The following SYNE2 variants were observed in gnomAD, a reference collection of about 807,000 sequenced individuals.
The protein encoded by SYNE2 is nesprin-2.
In SYNE2, 431 loss-of-function variants were observed where a neutral mutation model predicts 856.3. That is an observed-to-expected ratio of 0.50 (90% CI 0.47 to 0.55). The LOEUF (loss-of-function observed/expected upper bound fraction) is 0.55, where lower values mean the gene tolerates loss of function less well. Among genes scored for constraint, SYNE2 ranks in the 20% least tolerant of loss-of-function variants. The probability of loss-of-function intolerance (pLI) is 0.00; values close to 1 mark genes in which losing one functional copy is unlikely to be tolerated. For synonymous variants in SYNE2, 2,923 were observed against 2,872.3 expected (o/e 1.02, Z -0.56); for missense variants, 8,129 against 8,023.2 (o/e 1.01, Z -0.50).
intron 1 of SYNE2, among the ~76,000 whole-genome samples, chr14:63,873,121 A>C (rs962918558): frequency 6.6e-6 from 1 of 152,216 alleles, no homozygotes; most frequent in Non-Finnish European, 1.5e-5. Context: ...CATAAACCAC[A>C]TAATGACAGC....
At chr14:64,129,974 A>C in intron 75 of SYNE2, 73 bp downstream of exon 75, 9 of 1,613,624 alleles carry the variant, frequency 5.6e-6, no homozygotes, top group Non-Finnish European at 7.6e-6. Flanking sequence ...CCACCAGCAG[A>C]GTTTAGATTT....
At position 64,029,985 on chromosome 14, in the gene SYNE2, T is replaced by A. The variant is rs1428178412; in HGVS notation, c.6805T>A (p.Ser2269Thr). 1 of 1,614,114 alleles carries A rather than the reference T, an allele frequency of 6.2e-7. No individual in the cohort carries two copies. The highest frequency in any genetic ancestry group is 2.2e-5 in the East Asian group (1 of 44,876). Residue 2269 changes from serine to threonine, a missense_variant, in exon 44 of 116, where the codon TCC becomes ACC. Around this residue, in one of 3 missense-constraint regions of SYNE2, gnomAD observed 297 missense variants for 380.9 expected, o/e 0.78. Transcript: ENST00000555002. ...CCTGAATACTACATTGGACAATTTCTCCAAGGAATTTGTCAGTTTTTCTGA... is the reference window on the plus strand; with the variant it reads ...CCTGAATACTACATTGGACAATTTCACCAAGGAATTTGTCAGTTTTTCTGA... ...TDLNTTLDNF[S>T]KEFVSFSDKP... is the part of the protein sequence containing the mutation.
chr14:64,161,996 T>G, intron 87 of SYNE2, 76 bp from the exon 88 acceptor site: 1 of 1,518,918 alleles, frequency 6.6e-7, no homozygotes, highest in Non-Finnish European at 9.1e-7. Flanking sequence ...AACTTACCAG[T>G]AGAGTGTGTG....
intron 2 of SYNE2, among the ~76,000 whole-genome samples, chr14:63,912,837 A>C (rs537742460): frequency 6.6e-6 from 1 of 152,340 alleles, no homozygotes; most frequent in South Asian, 2.1e-4. Context: ...GCCGAAATTC[A>C]TAGAGCAGGA....
In SYNE2 at chr14:64,000,501, A is replaced by G. The variant is rs1266798907; in HGVS notation, c.3481-61A>G. ...TTGGTGAATGTCTCATGTTTTAAGA[A>G]CAGAATAATTGTGTCTATTAACCCC... is the stretch of plus-strand genomic sequence containing the variant. On this transcript the variant is annotated intron_variant, in intron 27 of 115. Transcript: ENST00000555002. 6.2e-6 allele frequency: 9 copies of G among 1,455,702 alleles called. No homozygotes were observed. The East Asian group carries it at 2.1e-4, about 33-fold the overall frequency. 90.2% of individuals were successfully genotyped at this position (1,455,702 alleles called of 1,614,324 possible).
chr14:64,116,030 G>C (rs2153660394), intron 66 of SYNE2, among the ~76,000 whole-genome samples: 1 of 152,220 alleles, frequency 6.6e-6, no homozygotes, highest in Non-Finnish European at 1.5e-5. Flanking sequence ...AACTAGCTGG[G>C]CATGGTGGTG....
chr14:64,134,152 G>T lies in SYNE2; in HGVS notation c.14598G>T (p.Leu4866Phe). 6.2e-7 allele frequency: 1 copy of T among 1,613,908 alleles called. No individual in the cohort carries two copies. Among genetic ancestry groups the T allele is most frequent in the East Asian group, 2.2e-5 (1 of 44,868 alleles). The change falls in exon 78 of 116, where the codon TTG becomes TTT. Residue 4866 changes from leucine (L) to phenylalanine (F), a missense_variant. Transcript: ENST00000555002. Reference sequence around the variant, plus strand: ...TATCTACATTGCCCTCTGTGAGTTTGGTGGAAGAAACAGAGGAAAGATTAG... The same window carrying T: ...TATCTACATTGCCCTCTGTGAGTTTTGTGGAAGAAACAGAGGAAAGATTAG... ...ILISTLPSVS[L>F]VEETEERLVE... is the part of the protein sequence containing the mutation.
At chr14:64,075,725 C>CTATGAAGAGATATCAAGTTTAAT in intron 53 of SYNE2, 1 of 515,194 alleles carries the variant, frequency 1.9e-6, no homozygotes, top group East Asian at 3.6e-5. Flanking sequence ...TGGTGTGACA[C>CTATGAAGAGATATCAAGTTTAAT]TATGAAGAGA....
intron 2 of SYNE2, among the ~76,000 whole-genome samples, chr14:63,931,945 A>G (rs995225766): frequency 2.0e-5 from 3 of 152,308 alleles, no homozygotes; most frequent in East Asian, 1.9e-4. Flanking sequence ...TTTAATTTCT[A>G]TCTTATATCC....
intron 94 of SYNE2, 25 bp downstream of exon 94, chr14:64,170,487 G>C (rs1246437151): frequency 1.3e-6 from 2 of 1,581,692 alleles, no homozygotes; most frequent in Admixed American, 3.6e-5. Flanking sequence ...GTAGCAGTGT[G>C]AGAACCACAG....
intron 8 of SYNE2, among the ~76,000 whole-genome samples, chr14:63,960,290 G>C (rs779404123): frequency 8.5e-5 from 13 of 152,178 alleles, no homozygotes; most frequent in Non-Finnish European, 1.8e-4. Context: ...GTTTGCAAAT[G>C]AATTGGATTT....
chr14:64,098,488 A>C (rs1242369820), intron 62 of SYNE2: 3 of 591,210 alleles, frequency 5.1e-6, no homozygotes, highest in Non-Finnish European at 9.0e-6. Context: ...TCTTCTCTGC[A>C]TTCACATCAA....
chr14:64,037,939 G>A (rs2097109361), intron 45 of SYNE2, among the ~76,000 whole-genome samples: 1 of 151,714 alleles, frequency 6.6e-6, no homozygotes, highest in African/African-American at 2.4e-5. Flanking sequence ...CGGGCGGGGG[G>A]CTGACCCCCC....
intron 94 of SYNE2, chr14:64,174,040 T>G (rs1373588908): frequency 5.0e-6 from 3 of 598,250 alleles, no homozygotes; most frequent in Non-Finnish European, 8.8e-6. Flanking sequence ...TAGAAAAAAA[T>G]AAAAATAAAC....
Position 64,225,005 on chromosome 14 carries a change from GC to G in SYNE2, c.20477del (p.Ala6826GlufsTer2). ...SVPAPRAKFR[A>X]VRTTEGEEET... Reference sequence around the variant, plus strand: ...GAGTTTCTTTACCCAGCAGTTCAGAGCAGTGAGAACTACAGAAGGCGAGGAG... The same window carrying G: ...GAGTTTCTTTACCCAGCAGTTCAGAGAGTGAGAACTACAGAAGGCGAGGAG... On this transcript the variant is annotated frameshift_variant, in exon 115 of 116. Transcript: ENST00000555002. LOFTEE classifies it high-confidence loss of function. The G allele has an allele frequency of 1.2e-6, 2 of 1,613,822 alleles. No individual in the cohort carries two copies. The highest frequency in any genetic ancestry group is 1.7e-6 in the Non-Finnish European group (2 of 1,179,954).
At position 64,095,863 on chromosome 14, in the gene SYNE2, G is replaced by A. The variant is rs1007716627; in HGVS notation, c.12109-2086G>A. 7.9e-5 allele frequency among the ~76,000 whole-genome samples: 12 copies of A among 152,100 alleles called. No individual in the cohort carries two copies. In the East Asian group the frequency reaches 9.6e-4, roughly 12 times the overall value. On this transcript the variant is annotated intron_variant, in intron 61 of 115. Transcript: ENST00000555002. ...ACTTAATCACCAACACAGCAGTATC[G>A]GGAGGTGTGGCCTTTGGGAGGTGAT...
intron 1 of SYNE2, among the ~76,000 whole-genome samples, chr14:63,865,831 T>A (rs549931659): frequency 6.6e-6 from 1 of 151,550 alleles, no homozygotes; most frequent in Non-Finnish European, 1.5e-5. Flanking sequence ...ACAAAAAACC[T>A]GTTTCCATCT....
rs1193454101 is a variant in SYNE2, at chr14:63,787,431, C to T, written c.-305+25445C>T. On this transcript the variant is annotated intron_variant, in intron 1 of 23. Transcript: ENST00000674003. ...TTTAGTTCCCACATAGGAGTGAAAA[C>T]ATGTATTGTCACTCTTTTGGCCAGA... 3.3e-5 allele frequency among the ~76,000 whole-genome samples: 5 copies of T among 152,164 alleles called. No homozygotes were observed. The East Asian group carries it at 9.6e-4, about 29-fold the overall frequency.
chr14:63,829,012 A>G (rs1047528748), intron 1 of SYNE2, among the ~76,000 whole-genome samples: 21 of 152,206 alleles, frequency 1.4e-4, no homozygotes, highest in Admixed American at 2.6e-4. Context: ...GAGATATTAG[A>G]ATGGCTATAA....
Sources: gnomAD v4.1 joint callset for allele counts (sites outside exome capture counted in the v4.1 genomes callset) on GRCh38, gnomAD v4.1.1 for gene constraint, gnomAD v4.1.1 regional missense constraint, MANE v1.5 for transcripts, NCBI Gene and HGNC (gene_info 2026-07-23, HGNC 2026-07-21) for gene names.